The following MINAR2 variants were observed in gnomAD, a reference collection of about 807,000 sequenced individuals.
The protein encoded by MINAR2 is membrane integral NOTCH2 associated receptor 2, also known as major intrinsically disordered NOTCH2-binding receptor 1-like.
Under a neutral mutation model 16.1 loss-of-function variants are expected in MINAR2, and 21 were observed. The observed-to-expected ratio is 1.31, with a 90% CI of 0.93 to 1.88. MINAR2 has a LOEUF of 1.88. MINAR2 is among the 40% of genes most tolerant of loss of function. The pLI is 0.00. For synonymous variants in MINAR2, 86 were observed against 83.0 expected (o/e 1.04, Z -0.20); for missense variants, 259 against 229.8 (o/e 1.13, Z -0.82).
intron 1 of MINAR2, among the ~76,000 whole-genome samples, chr5:129,760,041 A>G (rs1014454799): frequency 1.3e-5 from 2 of 152,222 alleles, no homozygotes; most frequent in Admixed American, 1.3e-4. Context: ...TAAGTAAAAT[A>G]TCATTAAATC....
chr5:129,759,345 C>G (rs1474261844), intron 1 of MINAR2, among the ~76,000 whole-genome samples: 3 of 152,136 alleles, frequency 2.0e-5, no homozygotes, highest in Non-Finnish European at 4.4e-5. Context: ...TGAAATCCCT[C>G]TCTTGATGTC....
At chr5:129,764,723 C>T (rs1350748276) in intron 2 of MINAR2, among the ~76,000 whole-genome samples, 161 bp from the exon 3 acceptor site, 1 of 151,796 alleles carries the variant, frequency 6.6e-6, no homozygotes, top group African/African-American at 2.4e-5. Flanking sequence ...TTCAAGGAAG[C>T]CTCATACCGC....
intron 1 of MINAR2, among the ~76,000 whole-genome samples, chr5:129,752,576 T>C (rs1318148789): frequency 1.1e-4 from 17 of 151,618 alleles, no homozygotes; most frequent in African/African-American, 4.1e-4. Context: ...CTGTCCGGGG[T>C]TTAATGGCAA....
In MINAR2 at chr5:129,748,693, C is replaced by G. The variant is rs1381117294; in HGVS notation, c.165+338C>G. Among the ~76,000 whole-genome samples the G allele has an allele frequency of 2.0e-5, 3 of 152,042 alleles. No individual in the cohort carries two copies. The South Asian group carries it at 6.2e-4, about 32-fold the overall frequency. On this transcript the variant is annotated intron_variant, in intron 1 of 2. Coordinates refer to ENST00000564719, the MANE Select transcript of MINAR2 (RefSeq NM_001257308.2). ...AATAAGACTTTGGGGGAAAAACTCC[C>G]GTCCCTATCTTTTGGTGTAATCTAA... is the stretch of plus-strand genomic sequence containing the variant.
intron 2 of MINAR2, among the ~76,000 whole-genome samples, chr5:129,763,605 A>C (rs1012699079): frequency 3.3e-5 from 5 of 152,214 alleles, no homozygotes; most frequent in African/African-American, 1.2e-4. Context: ...GATAGGACAC[A>C]AAATGAAGGA....
At position 129,762,872 on chromosome 5, in the gene MINAR2, A is replaced by G. The variant is rs534533265; in HGVS notation, c.394-2012A>G. On this transcript the variant is annotated intron_variant, in intron 2 of 2. Coordinates refer to ENST00000564719, the MANE Select transcript of MINAR2 (RefSeq NM_001257308.2). The stretch of plus-strand genomic sequence containing the variant: ...GCTTGAAGGATGTATAGAATTCCCA[A>G]AGGTATAGATGGTTTGCCTAAGTGG... 7.2e-5 allele frequency among the ~76,000 whole-genome samples: 11 copies of G among 152,288 alleles called. No individual in the cohort carries two copies. The East Asian group carries it at 2.1e-3, about 29-fold the overall frequency.
intron 2 of MINAR2, 59 bp downstream of exon 2, chr5:129,760,664 TA>T (rs1295370488): frequency 3.9e-6 from 5 of 1,297,220 alleles, no homozygotes; most frequent in Admixed American, 4.3e-5. Context: ...CAAATAATCC[TA>T]AAAGAAAGCA....
intron 1 of MINAR2, among the ~76,000 whole-genome samples, chr5:129,758,818 A>C (rs1222220236): frequency 3.3e-5 from 5 of 152,010 alleles, no homozygotes; most frequent in East Asian, 1.9e-4. Context: ...TTTTTTCTCA[A>C]TTCAGAAACA....
chr5:129,763,974 A>T (rs895508038), intron 2 of MINAR2, among the ~76,000 whole-genome samples: 5 of 152,332 alleles, frequency 3.3e-5, no homozygotes, highest in Non-Finnish European at 5.9e-5. Context: ...AATATAATGA[A>T]GCATGAAGTA....
chr5:129,763,419 C>G (rs1359190375), intron 2 of MINAR2, among the ~76,000 whole-genome samples: 2 of 152,196 alleles, frequency 1.3e-5, no homozygotes, highest in Non-Finnish European at 2.9e-5. Flanking sequence ...ACCCAAGTCC[C>G]TGTGGTCACT....
chr5:129,765,126 A>C lies in MINAR2; in HGVS notation c.*63A>C, dbSNP rs1189075170. On this transcript the variant is annotated 3_prime_UTR_variant, in exon 3 of 3. Transcript: ENST00000564719. ...AAAATTTTTCTGATAAACATTTGAA[A>C]CCCCCCCCACCAAAATAACAAAAAA... The C allele has an allele frequency of 3.4e-5, 29 of 856,404 alleles. No homozygotes were observed. The highest frequency in any genetic ancestry group is 2.5e-4 in the Middle Eastern group (1 of 3,968). The allele number at this position is 856,404 out of a possible 1,614,324, so 53.1% of individuals were successfully genotyped here. A position where few individuals can be genotyped will look rare whatever the true frequency, so the allele number is the denominator to read the frequency against.
intron 2 of MINAR2, among the ~76,000 whole-genome samples, chr5:129,762,151 G>A (rs967894486): frequency 6.6e-6 from 1 of 151,712 alleles, no homozygotes; most frequent in African/African-American, 2.4e-5. Flanking sequence ...TGCACATTCT[G>A]CACATGTATC....
At chr5:129,750,437 A>G (rs1757972460) in intron 1 of MINAR2, among the ~76,000 whole-genome samples, 1 of 152,192 alleles carries the variant, frequency 6.6e-6, no homozygotes, top group Admixed American at 6.5e-5. Context: ...TGGGAAGAAC[A>G]TGGAATAAAG....
At chr5:129,762,807 T>C (rs1758155164) in intron 2 of MINAR2, 1 of 171,554 alleles carries the variant, frequency 5.8e-6, no homozygotes, top group Admixed American at 6.5e-5. Flanking sequence ...ACAAATCACA[T>C]CTGATTATAA....
rs746763933 is a variant in MINAR2, at chr5:129,748,319, T to C, written c.129T>C (p.Pro43=). The C allele has an allele frequency of 6.5e-7, 1 of 1,535,194 alleles. No homozygotes were observed. The highest frequency in any genetic ancestry group is 1.2e-5 in the South Asian group (1 of 84,042). ...TGAGGTTTCCGGGTGGAAATTATCC[T>C]GCTGCACAACACTGGCAAAACCTTG... ...SLVRFPGGNY[P]AAQHWQNLVY... is the part of the protein sequence containing the mutation. The change falls in exon 1 of 3, where the codon CCT becomes CCC. Residue 43 remains proline, a synonymous_variant. Coordinates refer to ENST00000564719, the MANE Select transcript of MINAR2 (RefSeq NM_001257308.2).
At chr5:129,763,891 T>C (rs1387570896) in intron 2 of MINAR2, among the ~76,000 whole-genome samples, 1 of 152,170 alleles carries the variant, frequency 6.6e-6, no homozygotes. Flanking sequence ...CAGCTAGCTT[T>C]AAGTCTCCTG....
At chr5:129,758,334 G>A in intron 1 of MINAR2, among the ~76,000 whole-genome samples, 1 of 151,980 alleles carries the variant, frequency 6.6e-6, no homozygotes, top group South Asian at 2.1e-4. Flanking sequence ...TCAACCAAAA[G>A]CGTATTGCTT....
chr5:129,749,355 G>A (rs1321524471), intron 1 of MINAR2, among the ~76,000 whole-genome samples: 1 of 152,118 alleles, frequency 6.6e-6, no homozygotes, highest in Non-Finnish European at 1.5e-5. Context: ...GGCTCCTTGG[G>A]ACCTTTATCA....
chr5:129,755,032 T>C (rs1758037582), intron 1 of MINAR2, among the ~76,000 whole-genome samples: 1 of 152,154 alleles, frequency 6.6e-6, no homozygotes, highest in South Asian at 2.1e-4. Context: ...CTACTAGTTC[T>C]AGTTCACTAA....
Sources: gnomAD v4.1 joint callset for allele counts (sites outside exome capture counted in the v4.1 genomes callset) on GRCh38, gnomAD v4.1.1 for gene constraint, MANE v1.5 for transcripts, NCBI Gene and HGNC (gene_info 2026-07-23, HGNC 2026-07-21) for gene names.